DPP10: variants seen among roughly 807,000 people sequenced by gnomAD.
The protein encoded by DPP10 is inactive dipeptidyl peptidase 10.
DPP10 carries 33 observed loss-of-function variants against 120.9 expected under a neutral mutation model. That is an observed-to-expected ratio of 0.27 (90% CI 0.21 to 0.37). The LOEUF (loss-of-function observed/expected upper bound fraction) is 0.37, where lower values mean the gene tolerates loss of function less well. Ranked by LOEUF, DPP10 falls within the 10% of genes least tolerant of loss-of-function variation. The pLI is 1.00. For missense variants in DPP10, 816 were observed against 942.8 expected (o/e 0.87, Z 1.76); for synonymous variants, 337 against 326.1 (o/e 1.03, Z -0.36).
chr2:115,381,777 A>G (rs537228965), intron 3 of DPP10, among the ~76,000 whole-genome samples: 5 of 151,058 alleles, frequency 3.3e-5, no homozygotes, highest in Non-Finnish European at 7.4e-5. Flanking sequence ...TAACAGACAC[A>G]ACCCTCAGCT....
rs148967502 is a variant in DPP10 at position 115,452,323 on chromosome 2, C to A, written c.272-47187C>A. On this transcript the variant is annotated intron_variant, in intron 3 of 25. Coordinates refer to ENST00000410059, the MANE Select transcript of DPP10 (RefSeq NM_020868.6). ...TTTGTGACCTATGAAAGTGCTGTAG[C>A]ATGCCCCCATATCTAGGCCTTCAGT... 2.0e-3 allele frequency among the ~76,000 whole-genome samples: 310 copies of A among 152,034 alleles called. 1 individual carries two copies. Among genetic ancestry groups the A allele is most frequent in the African/African-American group, 6.7e-3 (277 of 41,530 alleles).
At chr2:115,262,472 A>C (rs926691187) in intron 1 of DPP10, among the ~76,000 whole-genome samples, 6 of 152,106 alleles carry the variant, frequency 3.9e-5, no homozygotes, top group Non-Finnish European at 8.8e-5. Context: ...GAATACAGGT[A>C]AATATTTATT....
chr2:114,808,664 A>G (rs1183062169), intron 1 of DPP10, among the ~76,000 whole-genome samples: 2 of 150,554 alleles, frequency 1.3e-5, no homozygotes, highest in East Asian at 3.9e-4. Context: ...TTCTCTGTGG[A>G]CTTATCTTCA....
At chr2:115,615,515 T>C (rs1465317548) in intron 5 of DPP10, among the ~76,000 whole-genome samples, 1 of 152,154 alleles carries the variant, frequency 6.6e-6, no homozygotes, top group African/African-American at 2.4e-5. Flanking sequence ...AAATGTATTC[T>C]CAAGTAGCTG....
chr2:114,991,880 T>C (rs67318469), intron 1 of DPP10, among the ~76,000 whole-genome samples: 39,524 of 152,004 alleles, frequency 0.26, 5,186 homozygotes, highest in East Asian at 0.36. Context: ...TCCAGGCAAG[T>C]CCACAGATGG....
chr2:114,904,175 G>T (rs1693799150), intron 1 of DPP10, among the ~76,000 whole-genome samples: 1 of 152,174 alleles, frequency 6.6e-6, no homozygotes, highest in Admixed American at 6.5e-5. Flanking sequence ...AAGAAAAGAG[G>T]AGAGCTGGAG....
chr2:115,102,108 G>C (rs970081038), intron 1 of DPP10, among the ~76,000 whole-genome samples: 1 of 152,166 alleles, frequency 6.6e-6, no homozygotes, highest in Non-Finnish European at 1.5e-5. Flanking sequence ...CAGTTCCGGA[G>C]GCTGGAGAGT....
intron 1 of DPP10, among the ~76,000 whole-genome samples, chr2:114,465,534 T>C (rs1679290254): frequency 6.6e-6 from 1 of 152,210 alleles, no homozygotes; most frequent in South Asian, 2.1e-4. Flanking sequence ...ACAAAGTCCC[T>C]GAACAGGTTA....
chr2:115,654,274 C>T (rs1296235154), intron 5 of DPP10, among the ~76,000 whole-genome samples: 1 of 151,624 alleles, frequency 6.6e-6, no homozygotes, highest in African/African-American at 2.4e-5. Flanking sequence ...CTCAATAGTA[C>T]AAACAAGAAA....
intron 1 of DPP10, among the ~76,000 whole-genome samples, chr2:114,549,066 G>A (rs976964359): frequency 3.3e-5 from 5 of 152,192 alleles, no homozygotes. Context: ...TGCATTAGCA[G>A]GGGATGGCGA....
intron 3 of DPP10, among the ~76,000 whole-genome samples, chr2:115,403,523 C>T (rs1335393246): frequency 2.0e-5 from 3 of 151,336 alleles, no homozygotes; most frequent in Admixed American, 6.6e-5. Context: ...CCTCAGCCTC[C>T]AGAGTAGCTG....
At chr2:115,290,987 G>T (rs1186233710) in intron 1 of DPP10, among the ~76,000 whole-genome samples, 5 of 152,070 alleles carry the variant, frequency 3.3e-5, no homozygotes, top group Non-Finnish European at 5.9e-5. Flanking sequence ...GGGACCACAG[G>T]AATCAGGCTT....
chr2:115,532,302 C>T (rs1265139334), intron 5 of DPP10, among the ~76,000 whole-genome samples: 1 of 152,004 alleles, frequency 6.6e-6, no homozygotes, highest in Non-Finnish European at 1.5e-5. Flanking sequence ...TAACTAACTT[C>T]CTCAAGGGCC....
At chr2:114,651,788 A>G (rs1696604413) in intron 1 of DPP10, among the ~76,000 whole-genome samples, 2 of 152,194 alleles carry the variant, frequency 1.3e-5, no homozygotes, top group Non-Finnish European at 2.9e-5. Flanking sequence ...GTTGAAAATC[A>G]CTGTTCATAC....
chr2:114,822,666 C>T (rs184096076), intron 1 of DPP10, among the ~76,000 whole-genome samples: 148 of 151,830 alleles, frequency 9.7e-4, no homozygotes, highest in African/African-American at 3.2e-3. Flanking sequence ...TGTGCAAGTT[C>T]GTTACATATG....
In DPP10 at chr2:114,715,775, A is replaced by G. The variant is rs2105885113; in HGVS notation, c.60+272937A>G. ...GACATCACCTCCCACACACAAAAAG[A>G]TATGGCTGGTATATTGATTAATGGA... On this transcript the variant is annotated intron_variant, in intron 1 of 25. Transcript: ENST00000410059. Among the ~76,000 whole-genome samples the G allele has an allele frequency of 2.0e-5, 3 of 152,224 alleles. No individual in the cohort carries two copies. In the Middle Eastern group the frequency reaches 0.01, roughly 518 times the overall value.
intron 1 of DPP10, among the ~76,000 whole-genome samples, chr2:114,946,402 CT>C (rs1697349282): frequency 6.6e-6 from 1 of 152,010 alleles, no homozygotes; most frequent in Non-Finnish European, 1.5e-5. Context: ...AGTTCTAGAC[CT>C]GTTTTACAAT....
intron 1 of DPP10, among the ~76,000 whole-genome samples, chr2:114,831,883 A>G (rs190703614): frequency 0.017 from 2,560 of 147,950 alleles, 32 homozygotes; most frequent in South Asian, 0.036. Flanking sequence ...ATATATATGT[A>G]TATATATAAC....
chr2:115,750,735 T>C (rs1678594930), intron 10 of DPP10, among the ~76,000 whole-genome samples: 1 of 152,218 alleles, frequency 6.6e-6, no homozygotes, highest in Non-Finnish European at 1.5e-5. Context: ...TTTGTACTCG[T>C]TGGCTTTTCA....
Sources: allele counts gnomAD v4.1 joint callset (sites outside exome capture counted in the v4.1 genomes callset), GRCh38; gene constraint gnomAD v4.1.1; transcripts MANE v1.5; gene names NCBI Gene and HGNC (gene_info 2026-07-23, HGNC 2026-07-21).